SAXO1: variants seen among roughly 807,000 people sequenced by gnomAD.
SAXO1 encodes the protein stabilizer of axonemal microtubules 1, also known as 4930500O09Rik.
In SAXO1, 21 loss-of-function variants were observed where a neutral mutation model predicts 17.5. The ratio of observed to expected loss-of-function variants is 1.20; its 90% CI spans 0.85 to 1.72. SAXO1 has a LOEUF of 1.72. Among genes scored for constraint, SAXO1 ranks in the 40% most tolerant of loss-of-function variants. The pLI, the probability that SAXO1 is intolerant of heterozygous loss-of-function variation, is 0.00. For synonymous variants in SAXO1, 274 were observed against 216.5 expected (o/e 1.27, Z -2.33); for missense variants, 843 against 596.0 (o/e 1.41, Z -4.32).
At chr9:19,014,179 C>A (rs1187526776) in intron 1 of SAXO1, among the ~76,000 whole-genome samples, 13 of 151,764 alleles carry the variant, frequency 8.6e-5, no homozygotes. Flanking sequence ...TGGCAAAAAT[C>A]ACCGGGTACG....
intron 1 of SAXO1, among the ~76,000 whole-genome samples, chr9:19,030,326 G>T (rs952355653): frequency 6.6e-6 from 1 of 152,166 alleles, no homozygotes; most frequent in Non-Finnish European, 1.5e-5. Flanking sequence ...ACACAAAAAT[G>T]AGAGAACCAG....
At chr9:19,027,684 T>C in intron 1 of SAXO1, 1 of 1,353,522 alleles carries the variant, frequency 7.4e-7, no homozygotes, top group South Asian at 1.2e-5. Context: ...TCCATCATCT[T>C]CACTGATGAG....
In SAXO1 at chr9:19,003,080, G is replaced by C. The variant is rs145545560; in HGVS notation, c.38+29791C>G. 4.2e-4 allele frequency among the ~76,000 whole-genome samples: 64 copies of C among 152,240 alleles called. 1 individual carries two copies. In the East Asian group the frequency reaches 9.1e-3, roughly 22 times the overall value. On this transcript the variant is annotated intron_variant, in intron 1 of 3. Transcript: ENST00000380534. ...CAAAATCAATGTGCAAAAATCACAAGCATTCCTATACACAAAGAACAGACA... is the reference window on the plus strand; with the variant it reads ...CAAAATCAATGTGCAAAAATCACAACCATTCCTATACACAAAGAACAGACA...
At chr9:19,038,659 T>C (rs546003989) in intron 1 of SAXO1, among the ~76,000 whole-genome samples, 11 of 149,642 alleles carry the variant, frequency 7.4e-5, no homozygotes, top group African/African-American at 2.4e-4. Context: ...TAATGCTAAA[T>C]GACGAGTTAA....
chr9:19,029,415 G>A (rs564296822), intron 1 of SAXO1, among the ~76,000 whole-genome samples: 6 of 152,270 alleles, frequency 3.9e-5, no homozygotes, highest in African/African-American at 9.6e-5. Flanking sequence ...ACTCAAGGGC[G>A]CTGTCTCTGA....
intron 1 of SAXO1, among the ~76,000 whole-genome samples, chr9:18,952,494 A>C (rs1004544886): frequency 1.3e-5 from 2 of 152,172 alleles, no homozygotes; most frequent in African/African-American, 4.8e-5. Context: ...TACTATGTAC[A>C]TCTCGTCCAT....
upstream of SAXO1, among the ~76,000 whole-genome samples, chr9:19,034,531 C>G (rs142812127): frequency 5.3e-5 from 8 of 152,224 alleles, no homozygotes; most frequent in African/African-American, 1.9e-4. Flanking sequence ...TGCCTCTTGG[C>G]CCACAAAAGC....
At chr9:19,001,969 G>A (rs576531010) in intron 1 of SAXO1, among the ~76,000 whole-genome samples, 1 of 151,764 alleles carries the variant, frequency 6.6e-6, no homozygotes, top group South Asian at 2.1e-4. Context: ...TGGTTTTTTG[G>A]AAAGATCAAC....
chr9:19,047,203 C>A (rs2131079715), intron 1 of SAXO1, among the ~76,000 whole-genome samples: 1 of 151,770 alleles, frequency 6.6e-6, no homozygotes, highest in Admixed American at 6.6e-5. Flanking sequence ...AAAACAAAAA[C>A]AAAAATAAAA....
chr9:19,005,934 CA>C (rs1834466162), intron 1 of SAXO1, among the ~76,000 whole-genome samples: 1 of 151,780 alleles, frequency 6.6e-6, no homozygotes, highest in African/African-American at 2.4e-5. Flanking sequence ...TTTAAAATGG[CA>C]AAAACAAAAA....
chr9:18,956,633 C>T (rs1254984558), intron 1 of SAXO1, among the ~76,000 whole-genome samples: 7 of 152,182 alleles, frequency 4.6e-5, no homozygotes, highest in Admixed American at 4.6e-4. Context: ...GAGAAAACCA[C>T]TTAACTCCTC....
At chr9:18,982,729 TCTGCTTTTGAACATAA>T (rs1833443222) in intron 1 of SAXO1, among the ~76,000 whole-genome samples, 1 of 152,258 alleles carries the variant, frequency 6.6e-6, no homozygotes, top group East Asian at 1.9e-4. Flanking sequence ...TGTAGAGATG[TCTGCTTTTGAACATAA>T]CTGCTTTTGA....
rs772403393 is a variant in SAXO1 at position 18,950,842 on chromosome 9, T to C, written c.134A>G (p.His45Arg). 1 of 1,613,610 alleles carries C rather than the reference T, an allele frequency of 6.2e-7. No homozygotes were observed. The part of the protein sequence containing the change: ...SEYTENYPFY[H>R]SYLPRESFKP... ...GAAGGACTCTCTGGGCAGGTAGGAGTGATAGAAAGGGTAGTTCTCGGTATA... is the reference window on the plus strand; with the variant it reads ...GAAGGACTCTCTGGGCAGGTAGGAGCGATAGAAAGGGTAGTTCTCGGTATA... The change falls in exon 2 of 4, where the codon CAC becomes CGC. Residue 45 changes from histidine to arginine, a missense_variant. His to Arg is a conservative substitution (Grantham distance 29). Transcript: ENST00000380534.
intron 3 of SAXO1, among the ~76,000 whole-genome samples, chr9:18,939,121 C>T (rs1361692549): frequency 1.3e-5 from 2 of 152,090 alleles, no homozygotes; most frequent in Non-Finnish European, 2.9e-5. Context: ...GAGGCGAGTC[C>T]GCCATCGGAT....
chr9:18,931,842 T>C (rs1005776581), intron 3 of SAXO1, among the ~76,000 whole-genome samples: 4 of 152,228 alleles, frequency 2.6e-5, no homozygotes, highest in Admixed American at 6.5e-5. Context: ...TTGAGATGTT[T>C]TGCCCATTTT....
chr9:19,002,702 GCTAAAAACT>G, intron 1 of SAXO1, among the ~76,000 whole-genome samples: 2 of 152,218 alleles, frequency 1.3e-5, no homozygotes, highest in South Asian at 4.1e-4. Context: ...ACCCCTTCAT[GCTAAAAACT>G]CTCAATAAAC....
chr9:18,951,194 G>A (rs1025665047), intron 1 of SAXO1, among the ~76,000 whole-genome samples: 1 of 152,126 alleles, frequency 6.6e-6, no homozygotes, highest in African/African-American at 2.4e-5. Flanking sequence ...ATGCCACATT[G>A]CTTGTGTAAG....
chr9:18,962,882 G>A lies in SAXO1; in HGVS notation c.39-11945C>T, dbSNP rs150227555. Among the ~76,000 whole-genome samples the A allele has an allele frequency of 1.4e-3, 213 of 152,310 alleles. 3 individuals are homozygous for A. Among genetic ancestry groups the A allele is most frequent in the Admixed American group, 9.8e-3 (150 of 15,306 alleles). ...TCACGAAGTCTTTGCCCATGCCTAC[G>A]TCCTGAATGGTATTAGCTAGCTTTT... On this transcript the variant is annotated intron_variant, in intron 1 of 3. Coordinates refer to ENST00000380534, the MANE Select transcript of SAXO1 (RefSeq NM_153707.4).
upstream of SAXO1, among the ~76,000 whole-genome samples, chr9:19,037,381 C>T (rs1380955778): frequency 3.9e-5 from 6 of 152,036 alleles, no homozygotes; most frequent in African/African-American, 1.5e-4. Flanking sequence ...CTCTGTGTCC[C>T]CACCCATATC....
Sources: gnomAD v4.1 joint callset for allele counts (sites outside exome capture counted in the v4.1 genomes callset) on GRCh38, gnomAD v4.1.1 for gene constraint, MANE v1.5 for transcripts, NCBI Gene and HGNC (gene_info 2026-07-23, HGNC 2026-07-21) for gene names.